PGM5: variants seen among roughly 807,000 people sequenced by gnomAD.
PGM5 encodes the protein phosphoglucomutase 5.
In PGM5, 23 loss-of-function variants were observed where a neutral mutation model predicts 59.2. That is an observed-to-expected ratio of 0.39 (90% CI 0.28 to 0.55). The LOEUF is 0.55. Among genes scored for constraint, PGM5 ranks in the 20% least tolerant of loss-of-function variants. The probability of loss-of-function intolerance (pLI) is 0.66; values close to 1 mark genes in which losing one functional copy is unlikely to be tolerated. For missense variants in PGM5, 574 were observed against 748.3 expected (o/e 0.77, Z 2.72); for synonymous variants, 214 against 286.0 (o/e 0.75, Z 2.54).
chr9:68,366,541 G>A (rs1436051139), intron 1 of PGM5, among the ~76,000 whole-genome samples: 17 of 151,868 alleles, frequency 1.1e-4, no homozygotes, highest in African/African-American at 4.1e-4. Context: ...GGGTGGAGGG[G>A]GTGTATAATG....
chr9:68,511,544 C>CATTTT (rs1564026157), intron 10 of PGM5, among the ~76,000 whole-genome samples: 2 of 56,498 alleles, frequency 3.5e-5, no homozygotes, highest in Admixed American at 2.4e-4. Flanking sequence ...ATTGTTTTTG[C>CATTTT]CTTTTTTTTT....
intron 7 of PGM5, among the ~76,000 whole-genome samples, chr9:68,468,037 C>G (rs782436594): frequency 2.0e-5 from 3 of 151,026 alleles, no homozygotes; most frequent in Non-Finnish European, 4.4e-5. Context: ...TCCTTCCTTC[C>G]TTTCTTTCTT....
At chr9:68,519,894 T>C (rs931832280) in intron 10 of PGM5, among the ~76,000 whole-genome samples, 2 of 114,858 alleles carry the variant, frequency 1.7e-5, no homozygotes, top group Non-Finnish European at 3.6e-5. Flanking sequence ...GACCTTGTCT[T>C]TACAATAAAT....
chr9:68,429,044 T>C (rs1206907920), intron 6 of PGM5: 2 of 152,162 alleles, frequency 1.3e-5, no homozygotes, highest in Non-Finnish European at 2.9e-5. Flanking sequence ...ATGATCTTGG[T>C]TTGGAGTCTT....
intron 10 of PGM5, among the ~76,000 whole-genome samples, chr9:68,505,597 T>C (rs1824640977): frequency 1.3e-5 from 2 of 152,150 alleles, no homozygotes; most frequent in African/African-American, 4.8e-5. Flanking sequence ...ACTGGTTTAT[T>C]ATAAAGGCTA....
intron 7 of PGM5, among the ~76,000 whole-genome samples, chr9:68,466,781 C>T (rs1823941811): frequency 6.6e-6 from 1 of 152,080 alleles, no homozygotes; most frequent in African/African-American, 2.4e-5. Context: ...TTTAAGTGTT[C>T]CTGTTTCTCC....
At chr9:68,524,304 T>C (rs1052715502) in intron 10 of PGM5, among the ~76,000 whole-genome samples, 7 of 151,988 alleles carry the variant, frequency 4.6e-5, no homozygotes, top group African/African-American at 1.7e-4. Flanking sequence ...AGAGAGAGGA[T>C]CCAATACCCC....
chr9:68,529,775 C>A lies in PGM5; in HGVS notation c.*119C>A. 26 of 354,296 alleles carry A rather than the reference C, an allele frequency of 7.3e-5. No homozygotes were observed. The highest frequency in any genetic ancestry group is 1.8e-4 in the East Asian group (2 of 11,092). 21.9% of individuals were successfully genotyped at this position (354,296 alleles called of 1,614,324 possible). A position where few individuals can be genotyped will look rare whatever the true frequency, so the allele number is the denominator to read the frequency against. On this transcript the variant is annotated 3_prime_UTR_variant, in exon 11 of 11. Coordinates refer to ENST00000396396, the MANE Select transcript of PGM5 (RefSeq NM_021965.4). ...CTTTGGAAAAACAAAAGATATTTTG[C>A]TTTTGGGGGATAGAGGGTGGGTGGG...
chr9:68,520,393 C>T (rs1396710668), intron 10 of PGM5, among the ~76,000 whole-genome samples: 1 of 151,440 alleles, frequency 6.6e-6, no homozygotes, highest in Non-Finnish European at 1.5e-5. Flanking sequence ...CCACAGTTGC[C>T]CTTGAGTATT....
chr9:68,358,710 A>G (rs1834517150), intron 1 of PGM5, among the ~76,000 whole-genome samples: 1 of 151,986 alleles, frequency 6.6e-6, no homozygotes, highest in South Asian at 2.1e-4. Context: ...TTTATCTACT[A>G]TAATTCCTCC....
At chr9:68,390,114 G>A (rs1384191472) in intron 4 of PGM5, among the ~76,000 whole-genome samples, 2 of 151,926 alleles carry the variant, frequency 1.3e-5, no homozygotes, top group African/African-American at 2.4e-5. Context: ...TAAGAATGAG[G>A]CACTAAAAAT....
intron 6 of PGM5, among the ~76,000 whole-genome samples, chr9:68,427,309 A>G (rs542079461): frequency 1.1e-4 from 17 of 152,168 alleles, no homozygotes; most frequent in Non-Finnish European, 2.4e-4. Context: ...ATTCTGTAAC[A>G]CAGATCTTGT....
intron 6 of PGM5, among the ~76,000 whole-genome samples, chr9:68,460,579 T>A (rs1823844728): frequency 6.6e-6 from 1 of 152,178 alleles, no homozygotes; most frequent in South Asian, 2.1e-4. Context: ...CTGGAGAAAT[T>A]CTTTTTTCTC....
chr9:68,411,384 A>AAT (rs1178152414), intron 6 of PGM5, among the ~76,000 whole-genome samples: 3 of 148,374 alleles, frequency 2.0e-5, no homozygotes, highest in Non-Finnish European at 3.0e-5. Flanking sequence ...AGTATATATA[A>AAT]ATATATATAT....
intron 6 of PGM5, among the ~76,000 whole-genome samples, chr9:68,464,347 G>A (rs1013723697): frequency 6.6e-5 from 10 of 152,306 alleles, no homozygotes; most frequent in Admixed American, 2.0e-4. Context: ...TGAACACAGA[G>A]AAGTTGGATT....
At chr9:68,411,616 C>A (rs1261908745) in intron 6 of PGM5, among the ~76,000 whole-genome samples, 1 of 151,826 alleles carries the variant, frequency 6.6e-6, no homozygotes, top group Non-Finnish European at 1.5e-5. Context: ...ACTTGCTTAT[C>A]AATAAACATT....
At chr9:68,397,087 A>G (rs1258443527) in intron 6 of PGM5, 1 of 152,712 alleles carries the variant, frequency 6.5e-6, no homozygotes, top group African/African-American at 2.4e-5. Flanking sequence ...CCAGAATAAT[A>G]CAGTTTCAGC....
At chr9:68,400,177 G>A (rs1468116821) in intron 6 of PGM5, among the ~76,000 whole-genome samples, 3 of 152,068 alleles carry the variant, frequency 2.0e-5, no homozygotes, top group East Asian at 3.9e-4. Context: ...AGAAAGTCAC[G>A]CATTTTCTTC....
At chr9:68,514,076 T>C (rs1302320822) in intron 10 of PGM5, among the ~76,000 whole-genome samples, 1 of 152,250 alleles carries the variant, frequency 6.6e-6, no homozygotes, top group East Asian at 1.9e-4. Flanking sequence ...GGTTGCTACT[T>C]AGAAATGCAG....
Sources: allele counts gnomAD v4.1 joint callset (sites outside exome capture counted in the v4.1 genomes callset), GRCh38; gene constraint gnomAD v4.1.1; transcripts MANE v1.5; gene names NCBI Gene and HGNC (gene_info 2026-07-23, HGNC 2026-07-21).